ANO4: variants seen among roughly 807,000 people sequenced by gnomAD.
The protein encoded by ANO4 is anoctamin 4, also known as anoctamin-4.
In ANO4, 69 loss-of-function variants were observed where a neutral mutation model predicts 141.9. That is an observed-to-expected ratio of 0.49 (90% confidence interval 0.40 to 0.59). The LOEUF (loss-of-function observed/expected upper bound fraction) is 0.59. Among genes scored for constraint, ANO4 ranks in the 20% least tolerant of loss-of-function variants. The pLI is 0.00. For synonymous variants in ANO4, 350 were observed against 394.3 expected (o/e 0.89, Z 1.33); for missense variants, 894 against 1,162.2 (o/e 0.77, Z 3.36).
At chr12:100,799,261 G>A (rs2034535526) in intron 1 of ANO4, among the ~76,000 whole-genome samples, 1 of 152,086 alleles carries the variant, frequency 6.6e-6, no homozygotes, top group Non-Finnish European at 1.5e-5. Flanking sequence ...ACCCATATTA[G>A]ACATTCCTGG....
intron 3 of ANO4, among the ~76,000 whole-genome samples, chr12:100,763,229 T>C (rs2032949144): frequency 6.6e-6 from 1 of 152,218 alleles, no homozygotes; most frequent in Middle Eastern, 3.4e-3. Flanking sequence ...TTCTCTGGAC[T>C]CCATATGGCC....
chr12:100,782,256 A>G (rs1593320686), intron 3 of ANO4, among the ~76,000 whole-genome samples: 1 of 152,060 alleles, frequency 6.6e-6, no homozygotes, highest in East Asian at 1.9e-4. Flanking sequence ...CCCTCTTACA[A>G]TCATCTAATC....
At chr12:100,966,816 C>T (rs11614329) in intron 5 of ANO4, among the ~76,000 whole-genome samples, 2 of 142,212 alleles carry the variant, frequency 1.4e-5, no homozygotes, top group Non-Finnish European at 3.0e-5. Flanking sequence ...CACACACACA[C>T]ATATATATAT....
At chr12:100,966,838 TACAC>T (rs142044908) in intron 5 of ANO4, among the ~76,000 whole-genome samples, 17 of 150,446 alleles carry the variant, frequency 1.1e-4, no homozygotes, top group Admixed American at 4.0e-4. Flanking sequence ...CACATATATA[TACAC>T]ACACACATAT....
intron 1 of ANO4, among the ~76,000 whole-genome samples, chr12:100,811,934 G>C (rs901611545): frequency 6.6e-6 from 1 of 152,030 alleles, no homozygotes; most frequent in Admixed American, 6.6e-5. Flanking sequence ...CCCCTGTTTT[G>C]TATAACCTTA....
At chr12:101,125,829 A>T (rs2051291272) in intron 26 of ANO4, among the ~76,000 whole-genome samples, 1 of 151,894 alleles carries the variant, frequency 6.6e-6, no homozygotes, top group African/African-American at 2.4e-5. Context: ...ATCAATGTTC[A>T]TCGGGGATAT....
intron 2 of ANO4, among the ~76,000 whole-genome samples, chr12:100,918,050 G>C (rs1456000255): frequency 6.6e-6 from 1 of 152,198 alleles, no homozygotes; most frequent in Non-Finnish European, 1.5e-5. Flanking sequence ...GCTAAGGGCA[G>C]TTGCAATGGC....
At chr12:100,763,865 G>T (rs1373782145) in intron 3 of ANO4, among the ~76,000 whole-genome samples, 1 of 152,038 alleles carries the variant, frequency 6.6e-6, no homozygotes. Flanking sequence ...TAGTCACATG[G>T]AGAGCTTGTT....
At chr12:101,009,641 T>A (rs1324750127) in intron 8 of ANO4, among the ~76,000 whole-genome samples, 1 of 152,130 alleles carries the variant, frequency 6.6e-6, no homozygotes, top group Admixed American at 6.5e-5. Context: ...GAACCTTATA[T>A]AATTGTCTCT....
At chr12:100,951,560 A>T (rs2042970601) in intron 5 of ANO4, among the ~76,000 whole-genome samples, 1 of 152,210 alleles carries the variant, frequency 6.6e-6, no homozygotes, top group African/African-American at 2.4e-5. Context: ...GGAGGCCATT[A>T]TCCTTAGCAA....
chr12:101,116,862 C>T (rs1257124268), intron 25 of ANO4, 64 bp downstream of exon 25: 2 of 1,606,162 alleles, frequency 1.2e-6, no homozygotes, highest in Non-Finnish European at 1.7e-6. Flanking sequence ...GGAGGTTTTA[C>T]TCTGAAGGCC....
Position 101,128,624 on chromosome 12 carries a change from A to G in ANO4, c.*768A>G, listed in dbSNP as rs1013836831. ...TAAAATTTAAAATAAATTTCTGCACATGGAATATTTTCAGCTGGCTCTTCT... is the reference window on the plus strand; with the variant it reads ...TAAAATTTAAAATAAATTTCTGCACGTGGAATATTTTCAGCTGGCTCTTCT... On this transcript the variant is annotated 3_prime_UTR_variant, in exon 28 of 28. Coordinates refer to ENST00000392977, the MANE Select transcript of ANO4 (RefSeq NM_001286615.2). 6.6e-6 allele frequency: 1 copy of G among 152,648 alleles called. No homozygotes were observed. Among genetic ancestry groups the G allele is most frequent in the Non-Finnish European group, 1.5e-5 (1 of 68,042 alleles). The allele number at this position is 152,648 out of a possible 1,614,324, so 9.5% of individuals were successfully genotyped here. A position where few individuals can be genotyped will look rare whatever the true frequency, so the allele number is the denominator to read the frequency against.
intron 8 of ANO4, among the ~76,000 whole-genome samples, chr12:101,011,184 A>G (rs1818984237): frequency 6.6e-6 from 1 of 152,126 alleles, no homozygotes; most frequent in Admixed American, 6.5e-5. Flanking sequence ...AAATCATGGA[A>G]ATTACTTCTG....
chr12:101,010,146 T>C (rs2046025116), intron 8 of ANO4, among the ~76,000 whole-genome samples: 1 of 152,212 alleles, frequency 6.6e-6, no homozygotes, highest in South Asian at 2.1e-4. Context: ...TGTTTTGTGC[T>C]ATCTTTGTTC....
At chr12:100,824,767 C>T (rs1265677309) in intron 1 of ANO4, among the ~76,000 whole-genome samples, 1 of 151,984 alleles carries the variant, frequency 6.6e-6, no homozygotes, top group Non-Finnish European at 1.5e-5. Flanking sequence ...GCTTCACAGA[C>T]CGGAAAATTT....
chr12:100,966,224 C>T (rs2043646614), intron 5 of ANO4, among the ~76,000 whole-genome samples: 1 of 152,106 alleles, frequency 6.6e-6, no homozygotes, highest in Admixed American at 6.6e-5. Flanking sequence ...TGATGTGGCC[C>T]CTCTTGGAGA....
intron 3 of ANO4, among the ~76,000 whole-genome samples, chr12:100,762,311 C>A (rs572434511): frequency 2.0e-5 from 3 of 152,120 alleles, no homozygotes; most frequent in African/African-American, 7.2e-5. Flanking sequence ...GAGAATGTGG[C>A]CCGAATTGGA....
In ANO4 at chr12:101,096,678, A is replaced by G. The variant is rs147202974; in HGVS notation, c.1850+31A>G. ...AACCTGACCCCTGCACACCTCCCCA[A>G]GCTGAGGACAGAACACTTAGAAGGC... On this transcript the variant is annotated intron_variant, in intron 19 of 27. Transcript: ENST00000392977. 90 of 1,524,792 alleles carry G rather than the reference A, an allele frequency of 5.9e-5. No individual in the cohort carries two copies. In the East Asian group the frequency reaches 1.7e-3, roughly 29 times the overall value. 94.5% of individuals were successfully genotyped at this position (1,524,792 alleles called of 1,614,324 possible). A position where few individuals can be genotyped will look rare whatever the true frequency, so the allele number is the denominator to read the frequency against.
chr12:101,127,214 CT>C, intron 27 of ANO4, 140 bp downstream of exon 27: 2 of 952,028 alleles, frequency 2.1e-6, no homozygotes, highest in Non-Finnish European at 3.1e-6. Flanking sequence ...CCAAAAGAAG[CT>C]TGTTTTTTAC....
Sources: allele counts gnomAD v4.1 joint callset (sites outside exome capture counted in the v4.1 genomes callset), GRCh38; gene constraint gnomAD v4.1.1; transcripts MANE v1.5; gene names NCBI Gene and HGNC (gene_info 2026-07-23, HGNC 2026-07-21).